ANO5: variants seen among roughly 807,000 people sequenced by gnomAD.
ANO5 encodes the protein anoctamin 5, also known as anoctamin-5.
In ANO5, 109 loss-of-function variants were observed where a neutral mutation model predicts 121.0. The ratio of observed to expected loss-of-function variants is 0.90; its 90% CI spans 0.77 to 1.06. The LOEUF (loss-of-function observed/expected upper bound fraction) is 1.06, where lower values mean the gene tolerates loss of function less well. Ranked by LOEUF, ANO5 falls within the 50% of genes least tolerant of loss-of-function variation. The pLI, the probability that ANO5 is intolerant of heterozygous loss-of-function variation, is 0.00. For synonymous variants in ANO5, 406 were observed against 359.9 expected, an observed-to-expected ratio of 1.13 and a Z score of -1.45; for missense variants, 1,064 against 1,078.5, an observed-to-expected ratio of 0.99 and a Z score of 0.19.
intron 7 of ANO5, among the ~76,000 whole-genome samples, chr11:22,233,546 A>G (rs1303624679): frequency 1.3e-5 from 2 of 152,074 alleles, no homozygotes; most frequent in East Asian, 3.9e-4. Context: ...TCTTACTTGC[A>G]TTATTAACTG....
At position 22,273,438 on chromosome 11, in the gene ANO5, T is replaced by C. The variant is rs114676051; in HGVS notation, c.2235+449T>C. On this transcript the variant is annotated intron_variant, in intron 19 of 21. Transcript: ENST00000324559. ...ATACTTTATAAATTGAAGTTGATAA[T>C]AAGATAATCAAAAAGAAAATCTAAC... 9.5e-3 allele frequency among the ~76,000 whole-genome samples: 1,451 copies of C among 152,178 alleles called. 23 individuals carry two copies. Among genetic ancestry groups the C allele is most frequent in the African/African-American group, 0.033 (1,377 of 41,542 alleles).
In ANO5 at chr11:22,270,362, A is replaced by G; in HGVS notation, c.1949A>G (p.Lys650Arg). The G allele has an allele frequency of 6.2e-7, 1 of 1,614,160 alleles. No homozygotes were observed. The highest frequency in any genetic ancestry group is 1.1e-5 in the South Asian group (1 of 91,080). ...CGAAAAGCTCGGACAAACTCTGAGA[A>G]GCTGTATAGTCGATGGGAGCAGGAT... ...RRRKARTNSE[K>R]LYSRWEQDHD... The change falls in exon 18 of 22, where the codon AAG (lysine) becomes AGG (arginine). Residue 650 changes from lysine (K) to arginine (R), a missense_variant. Lys to Arg is a conservative substitution (Grantham distance 26). Coordinates refer to ENST00000324559, the MANE Select transcript of ANO5 (RefSeq NM_213599.3).
intron 1 of ANO5, among the ~76,000 whole-genome samples, chr11:22,199,725 A>G (rs1224941831): frequency 2.0e-5 from 3 of 152,208 alleles, no homozygotes; most frequent in South Asian, 2.1e-4. Flanking sequence ...TCGTATCTGC[A>G]TTACATTCAC....
intron 9 of ANO5, among the ~76,000 whole-genome samples, chr11:22,245,137 T>A (rs979970617): frequency 7.9e-5 from 12 of 152,266 alleles, no homozygotes; most frequent in East Asian, 3.9e-4. Flanking sequence ...ATTGGCAGAA[T>A]GTTTTTGGTG....
At chr11:22,269,968 T>C (rs1854548930) in intron 17 of ANO5, among the ~76,000 whole-genome samples, 1 of 152,244 alleles carries the variant, frequency 6.6e-6, no homozygotes, top group Admixed American at 6.5e-5. Context: ...AATTTTCTTC[T>C]GAGCATCATG....
At chr11:22,252,656 G>A (rs577632068) in intron 12 of ANO5, among the ~76,000 whole-genome samples, 14 of 151,760 alleles carry the variant, frequency 9.2e-5, no homozygotes, top group African/African-American at 3.1e-4. Flanking sequence ...GATCTCATTC[G>A]TAGTCAATGG....
intron 1 of ANO5, among the ~76,000 whole-genome samples, chr11:22,200,909 T>C (rs1851946166): frequency 6.6e-6 from 1 of 152,152 alleles, no homozygotes; most frequent in African/African-American, 2.4e-5. Flanking sequence ...GTGTGTTATG[T>C]ATGTGTGTGA....
At chr11:22,252,310 A>T (rs1286620223) in intron 12 of ANO5, among the ~76,000 whole-genome samples, 5 of 152,184 alleles carry the variant, frequency 3.3e-5, no homozygotes, top group Non-Finnish European at 7.3e-5. Context: ...CATTACTTGG[A>T]ATCAAAAATG....
chr11:22,203,679 C>G lies in ANO5; in HGVS notation c.41-125C>G, dbSNP rs1159805376. ...AGCTCCGAATCATCTTGTATCTTTT[C>G]TTCTAGTATTTTTTCTTTGAATTTT... On this transcript the variant is annotated intron_variant, in intron 1 of 21. Transcript: ENST00000324559. 6.6e-6 allele frequency: 4 copies of G among 610,262 alleles called. No homozygotes were observed. The African/African-American group carries it at 7.5e-5, about 11-fold the overall frequency. 37.8% of individuals were successfully genotyped at this position (610,262 alleles called of 1,614,324 possible).
chr11:22,243,979 T>C (rs535781132), intron 9 of ANO5, among the ~76,000 whole-genome samples: 48 of 152,200 alleles, frequency 3.2e-4, no homozygotes, highest in African/African-American at 1.1e-3. Context: ...GTAGACTTGA[T>C]TGTATAGTCT....
chr11:22,209,896 G>A (rs1215157345), intron 2 of ANO5, among the ~76,000 whole-genome samples: 1 of 151,702 alleles, frequency 6.6e-6, no homozygotes, highest in African/African-American at 2.4e-5. Context: ...ATTTCTCTAG[G>A]ATAATTGGAA....
intron 5 of ANO5, among the ~76,000 whole-genome samples, chr11:22,223,462 T>C (rs2133597169): frequency 6.6e-6 from 1 of 152,134 alleles, no homozygotes; most frequent in East Asian, 1.9e-4. Context: ...GGTTACCTTG[T>C]CACCTTCTGC....
At chr11:22,244,578 T>C (rs1019812051) in intron 9 of ANO5, among the ~76,000 whole-genome samples, 7 of 104,742 alleles carry the variant, frequency 6.7e-5, no homozygotes, top group African/African-American at 6.6e-4. Flanking sequence ...GGTTTTGTTC[T>C]TTTTTTTTTT....
At chr11:22,208,339 T>C (rs1400389300) in intron 2 of ANO5, among the ~76,000 whole-genome samples, 19 of 152,036 alleles carry the variant, frequency 1.2e-4, no homozygotes, top group Non-Finnish European at 1.0e-4. Context: ...CATGTAAAAC[T>C]ACCCATCAGT....
At chr11:22,244,660 G>A (rs975607376) in intron 9 of ANO5, among the ~76,000 whole-genome samples, 26 of 150,792 alleles carry the variant, frequency 1.7e-4, no homozygotes, top group Admixed American at 1.3e-3. Context: ...TCCTCAGCTC[G>A]GTCTATTCTG....
chr11:22,224,452 AG>A (rs1852759322), intron 5 of ANO5, among the ~76,000 whole-genome samples: 1 of 152,084 alleles, frequency 6.6e-6, no homozygotes, highest in South Asian at 2.1e-4. Context: ...TCTTTGACAA[AG>A]GGGCCAAGTG....
At chr11:22,211,453 GA>G (rs141135840) in intron 3 of ANO5, 139 bp downstream of exon 3, 670 of 982,764 alleles carry the variant, frequency 6.8e-4, no homozygotes, top group East Asian at 2.4e-3. Context: ...TATTACTTTA[GA>G]AAAAAAAAAT....
intron 19 of ANO5, among the ~76,000 whole-genome samples, chr11:22,273,956 CTA>C (rs1201117784): frequency 7.9e-5 from 12 of 151,822 alleles, no homozygotes; most frequent in Non-Finnish European, 1.6e-4. Context: ...AAGCGTAGCA[CTA>C]AAATTATAAG....
At chr11:22,224,480 G>A (rs1852760209) in intron 5 of ANO5, among the ~76,000 whole-genome samples, 1 of 152,078 alleles carries the variant, frequency 6.6e-6, no homozygotes, top group African/African-American at 2.4e-5. Flanking sequence ...ATGGAGAAAA[G>A]ATAGGCTTTT....
Sources: gnomAD v4.1 joint callset for allele counts (sites outside exome capture counted in the v4.1 genomes callset) on GRCh38, gnomAD v4.1.1 for gene constraint, MANE v1.5 for transcripts, NCBI Gene and HGNC (gene_info 2026-07-23, HGNC 2026-07-21) for gene names.